Variants in DPP6 observed in about 807,000 individuals in gnomAD.
DPP6 encodes dipeptidyl peptidase like 6.
DPP6 carries 69 observed loss-of-function variants against 122.6 expected under a neutral mutation model. The observed-to-expected ratio is 0.56, with a 90% CI of 0.46 to 0.69. The LOEUF is 0.69. DPP6 is among the 30% of genes least tolerant of loss of function. The pLI, the probability that DPP6 is intolerant of heterozygous loss-of-function variation, is 0.00. For synonymous variants in DPP6, 418 were observed against 433.1 expected (o/e 0.97, Z 0.43); for missense variants, 928 against 1,116.9 (o/e 0.83, Z 2.41).
chr7:153,809,448 T>G, the DPP6 span, among the ~76,000 whole-genome samples: 2 of 152,158 alleles, frequency 1.3e-5, no homozygotes, highest in African/African-American at 4.8e-5. Context: ...GATGACTGAA[T>G]GGATAGACAA....
chr7:153,797,321 G>C, the DPP6 span, among the ~76,000 whole-genome samples: 52,839 of 151,896 alleles, frequency 0.35, 9,856 homozygotes, highest in South Asian at 0.48. Flanking sequence ...AAAAAATGAA[G>C]GAAGAAGAGG....
At chr7:154,318,218 A>G (rs937944255) in intron 1 of DPP6, among the ~76,000 whole-genome samples, 10 of 152,222 alleles carry the variant, frequency 6.6e-5, no homozygotes, top group African/African-American at 2.4e-4. Flanking sequence ...AAATATTCAC[A>G]GAGATTATGT....
intron 1 of DPP6, among the ~76,000 whole-genome samples, chr7:154,443,833 G>A (rs928722736): frequency 6.6e-6 from 1 of 152,194 alleles, no homozygotes; most frequent in Non-Finnish European, 1.5e-5. Context: ...TATGCATGTG[G>A]TAACGGAATA....
At chr7:153,957,116 A>G (rs533159718) in intron 1 of DPP6, among the ~76,000 whole-genome samples, 29 of 152,314 alleles carry the variant, frequency 1.9e-4, no homozygotes, top group South Asian at 6.2e-4. Context: ...GTGATGTTCT[A>G]TCAGAGAGAC....
At chr7:153,951,358 C>G (rs59515660) in intron 1 of DPP6, among the ~76,000 whole-genome samples, 42,485 of 152,004 alleles carry the variant, frequency 0.28, 6,467 homozygotes, top group East Asian at 0.59. Context: ...CCTGTTTCAG[C>G]TGAGATTCCA....
intron 1 of DPP6, among the ~76,000 whole-genome samples, chr7:154,148,404 G>C (rs1403066267): frequency 6.6e-6 from 1 of 151,222 alleles, no homozygotes; most frequent in East Asian, 1.9e-4. Flanking sequence ...TGCCCTGAGG[G>C]AACCGGGAGG....
intron 1 of DPP6, among the ~76,000 whole-genome samples, chr7:154,072,202 T>C (rs1215610516): frequency 6.6e-6 from 1 of 152,290 alleles, no homozygotes; most frequent in Non-Finnish European, 1.5e-5. Context: ...GAAGAGCTTA[T>C]ATCCGCTTGC....
At chr7:154,826,989 A>G (rs979721012) in intron 16 of DPP6, among the ~76,000 whole-genome samples, 2 of 152,190 alleles carry the variant, frequency 1.3e-5, no homozygotes, top group African/African-American at 4.8e-5. Context: ...GTGAGACAAC[A>G]TGAACATGAA....
chr7:154,709,498 G>T (rs557912065), intron 7 of DPP6, among the ~76,000 whole-genome samples: 8 of 152,132 alleles, frequency 5.3e-5, no homozygotes, highest in Middle Eastern at 3.4e-3. Flanking sequence ...AGGATTACAG[G>T]CAGGAGCCAC....
At chr7:154,731,198 G>A (rs1343589225) in intron 8 of DPP6, among the ~76,000 whole-genome samples, 4 of 152,152 alleles carry the variant, frequency 2.6e-5, no homozygotes, top group Non-Finnish European at 5.9e-5. Context: ...AAAAAGTTAG[G>A]GGGTGGGGGG....
intron 1 of DPP6, among the ~76,000 whole-genome samples, chr7:153,911,544 C>T (rs945916236): frequency 2.0e-5 from 3 of 152,148 alleles, no homozygotes; most frequent in African/African-American, 7.2e-5. Flanking sequence ...TGATTTAATA[C>T]ATAAAAAACT....
chr7:154,065,310 GCCC>G (rs1802621036), intron 1 of DPP6, among the ~76,000 whole-genome samples: 1 of 131,628 alleles, frequency 7.6e-6, no homozygotes, highest in Non-Finnish European at 1.6e-5. Context: ...CTCTTTGAGG[GCCC>G]TGGGAGCAAG....
intron 18 of DPP6, among the ~76,000 whole-genome samples, chr7:154,870,686 G>A (rs1250556328): frequency 1.3e-5 from 2 of 152,056 alleles, no homozygotes; most frequent in Non-Finnish European, 2.9e-5. Context: ...GTATTGGCCA[G>A]TCACGGTGGC....
At chr7:154,553,902 CA>C (rs56020996) in intron 4 of DPP6, among the ~76,000 whole-genome samples, 5,643 of 103,014 alleles carry the variant, frequency 0.055, 234 homozygotes, top group African/African-American at 0.15. Context: ...AGCCTAATGC[CA>C]AAAAAAAAAA....
In DPP6 at chr7:154,270,491, C is replaced by CCA. The variant is rs201058684; in HGVS notation, c.244-175722_244-175721dup. On this transcript the variant is annotated intron_variant, in intron 1 of 25. Coordinates refer to ENST00000377770, the MANE Select transcript of DPP6 (RefSeq NM_130797.4). ...GTAAGGGTCTGAGAAACCATGGGCT[C>CCA]CAGCTCACCAAGTACCAGAATGTGA... is the stretch of plus-strand genomic sequence containing the variant. Among the ~76,000 whole-genome samples the CCA allele has an allele frequency of 7.7e-3, 1,175 of 152,204 alleles. 23 individuals carry two copies. The highest frequency in any genetic ancestry group is 0.025 in the African/African-American group (1,054 of 41,524).
rs531133547 is a variant in DPP6 at position 154,393,899 on chromosome 7, C to T, written c.244-52315C>T. Among the ~76,000 whole-genome samples the T allele has an allele frequency of 1.4e-3, 217 of 152,232 alleles. 2 individuals are homozygous for T. Among genetic ancestry groups the T allele is most frequent in the African/African-American group, 5.2e-3 (214 of 41,550 alleles). On this transcript the variant is annotated intron_variant, in intron 1 of 25. Coordinates refer to ENST00000377770, the MANE Select transcript of DPP6 (RefSeq NM_130797.4). Reference sequence around the variant, plus strand: ...ACCTTGTATAAGAGGAATCATCAAGCATTTTTCTTTCTGGACTGCCTTGTT... The same window carrying T: ...ACCTTGTATAAGAGGAATCATCAAGTATTTTTCTTTCTGGACTGCCTTGTT...
chr7:154,587,630 G>C (rs1178976925), intron 5 of DPP6: 8 of 1,533,626 alleles, frequency 5.2e-6, no homozygotes, highest in Non-Finnish European at 7.0e-6. Context: ...AAATGATTCT[G>C]CCCATCTCCC....
intron 1 of DPP6, among the ~76,000 whole-genome samples, chr7:154,405,793 A>G (rs1007016582): frequency 6.6e-6 from 1 of 152,186 alleles, no homozygotes; most frequent in Non-Finnish European, 1.5e-5. Flanking sequence ...ATCCTCCTCC[A>G]TCGCAAAATG....
the DPP6 span, among the ~76,000 whole-genome samples, chr7:153,800,432 G>A: frequency 1.1e-4 from 17 of 152,156 alleles, no homozygotes; most frequent in Admixed American, 2.0e-4. Context: ...GGTGTTGAGG[G>A]GACATGAAGA....
Sources: allele counts gnomAD v4.1 joint callset (sites outside exome capture counted in the v4.1 genomes callset), GRCh38; gene constraint gnomAD v4.1.1; transcripts MANE v1.5; gene names NCBI Gene and HGNC (gene_info 2026-07-23, HGNC 2026-07-21).